ARID4B: variants seen among roughly 807,000 people sequenced by gnomAD.
ARID4B encodes AT-rich interactive domain-containing protein 4B.
ARID4B carries 26 observed loss-of-function variants against 147.5 expected under a neutral mutation model. That is an observed-to-expected ratio of 0.18 (90% CI 0.13 to 0.24). The LOEUF (loss-of-function observed/expected upper bound fraction) is 0.24. Among genes scored for constraint, ARID4B ranks in the 10% least tolerant of loss-of-function variants. The pLI is 1.00. For missense variants in ARID4B, 1,179 were observed against 1,511.5 expected, an observed-to-expected ratio of 0.78 and a Z score of 3.65; for synonymous variants, 512 against 507.9, an observed-to-expected ratio of 1.01 and a Z score of -0.11.
chr1:235,322,217 AG>A (rs1377272280), intron 2 of ARID4B, among the ~76,000 whole-genome samples: 2 of 151,804 alleles, frequency 1.3e-5, no homozygotes, highest in African/African-American at 2.4e-5. Context: ...TAGTAGAAAC[AG>A]GGTTTCACCA....
chr1:235,305,175 G>A (rs575201400), intron 2 of ARID4B, among the ~76,000 whole-genome samples: 5 of 152,316 alleles, frequency 3.3e-5, no homozygotes, highest in South Asian at 2.1e-4. Context: ...GTCAGAGACA[G>A]ATTTGAAGAC....
At chr1:235,307,514 C>A (rs1673661685) in intron 2 of ARID4B, among the ~76,000 whole-genome samples, 1 of 151,900 alleles carries the variant, frequency 6.6e-6, no homozygotes, top group Non-Finnish European at 1.5e-5. Flanking sequence ...AGGAAACTTG[C>A]AATTTAAGAG....
rs758785382 is a variant in ARID4B, at chr1:235,182,045, A to C, written c.2874T>G (p.Pro958=). ...DTEAAASPPH[P]APEEGVAEES... Reference sequence around the variant, plus strand: ...CCTCTGCCACCCCCTCCTCTGGGGCAGGATGCGGTGGGGAAGCTGCAGCCT... The same window carrying C: ...CCTCTGCCACCCCCTCCTCTGGGGCCGGATGCGGTGGGGAAGCTGCAGCCT... Residue 958 remains proline, a synonymous_variant, in exon 20 of 24, where the codon CCT becomes CCG. Coordinates refer to ENST00000264183, the MANE Select transcript of ARID4B (RefSeq NM_016374.6). 1.9e-5 allele frequency: 30 copies of C among 1,614,026 alleles called. No homozygotes were observed. The South Asian group carries it at 3.2e-4, about 17-fold the overall frequency.
At chr1:235,261,956 GC>G (rs572524368) in intron 2 of ARID4B, among the ~76,000 whole-genome samples, 8 of 152,148 alleles carry the variant, frequency 5.3e-5, no homozygotes, top group Non-Finnish European at 1.0e-4. Context: ...TTACTTCTCT[GC>G]CTCAACTTTG....
At chr1:235,239,456 GC>G (rs1425823329) in intron 8 of ARID4B, among the ~76,000 whole-genome samples, 6 of 152,144 alleles carry the variant, frequency 3.9e-5, no homozygotes, top group Admixed American at 2.0e-4. Flanking sequence ...TGCTTTAAGA[GC>G]TACAAATTAT....
At chr1:235,217,762 C>A (rs75638275) in intron 16 of ARID4B, among the ~76,000 whole-genome samples, 3 of 152,066 alleles carry the variant, frequency 2.0e-5, no homozygotes, top group African/African-American at 7.2e-5. Flanking sequence ...AGTTTATATG[C>A]CAGAAAAATA....
rs965723758 is a variant in ARID4B, at chr1:235,236,303, A to T, written c.586-1811T>A. On this transcript the variant is annotated intron_variant, in intron 8 of 23. Transcript: ENST00000264183. ...ATAACATACATCAATAATTCTAAGA[A>T]TTTAAAAACAACAGTGAAATGGCTG... 2.0e-5 allele frequency among the ~76,000 whole-genome samples: 3 copies of T among 152,144 alleles called. No homozygotes were observed. In the South Asian group the frequency reaches 6.2e-4, roughly 32 times the overall value.
intron 18 of ARID4B, among the ~76,000 whole-genome samples, chr1:235,194,676 C>T (rs758169215): frequency 5.3e-5 from 8 of 152,010 alleles, no homozygotes; most frequent in South Asian, 2.1e-4. Context: ...CAAAAGTAGC[C>T]GGGGTGGTGG....
chr1:235,229,689 T>G (rs775809747), intron 10 of ARID4B, among the ~76,000 whole-genome samples: 37 of 152,172 alleles, frequency 2.4e-4, no homozygotes, highest in Non-Finnish European at 5.3e-4. Flanking sequence ...GCTTCACTAG[T>G]AAAAACCTTT....
intron 2 of ARID4B, among the ~76,000 whole-genome samples, chr1:235,309,166 G>C (rs1347721559): frequency 2.7e-5 from 3 of 112,780 alleles, no homozygotes; most frequent in Admixed American, 9.0e-5. Flanking sequence ...GCCCGGCCGT[G>C]ACCCCGTCTG....
At chr1:235,311,751 G>C (rs1572218111) in intron 2 of ARID4B, among the ~76,000 whole-genome samples, 1 of 150,832 alleles carries the variant, frequency 6.6e-6, no homozygotes, top group African/African-American at 2.4e-5. Context: ...TCCAGCCTGG[G>C]CAACAGAGCA....
intron 2 of ARID4B, among the ~76,000 whole-genome samples, chr1:235,307,541 A>C (rs1301507724): frequency 6.6e-6 from 1 of 152,236 alleles, no homozygotes; most frequent in Non-Finnish European, 1.5e-5. Context: ...GACTGTTCTA[A>C]AGATTCTTCA....
intron 7 of ARID4B, among the ~76,000 whole-genome samples, chr1:235,242,454 C>CT (rs374366283): frequency 3.9e-5 from 6 of 152,066 alleles, no homozygotes; most frequent in African/African-American, 1.4e-4. Context: ...AGAGTAGTGA[C>CT]TTTTTTTACT....
intron 18 of ARID4B, among the ~76,000 whole-genome samples, chr1:235,195,273 A>G (rs1665413334): frequency 6.6e-6 from 1 of 152,024 alleles, no homozygotes; most frequent in Non-Finnish European, 1.5e-5. Flanking sequence ...TCCTAAGTAA[A>G]TCCTCATGGC....
chr1:235,327,273 AGG>A, intron 1 of ARID4B: 1 of 188,834 alleles, frequency 5.3e-6, no homozygotes, highest in Middle Eastern at 2.3e-3. Context: ...CGTCCGGCGC[AGG>A]GCCGGCCGCT....
chr1:235,202,466 A>T (rs1034329009), intron 17 of ARID4B, among the ~76,000 whole-genome samples: 3 of 151,088 alleles, frequency 2.0e-5, no homozygotes, highest in Non-Finnish European at 4.4e-5. Flanking sequence ...ACAAAACATA[A>T]AATAACATAT....
At chr1:235,246,232 T>G (rs1477355211) in intron 7 of ARID4B, among the ~76,000 whole-genome samples, 188 bp downstream of exon 7, 1 of 151,808 alleles carries the variant, frequency 6.6e-6, no homozygotes, top group Non-Finnish European at 1.5e-5. Flanking sequence ...ATACAGCTGT[T>G]AAGTAAGGTT....
Position 235,234,485 on chromosome 1 carries a change from C to T in ARID4B, c.593G>A (p.Cys198Tyr). 3.1e-6 allele frequency: 5 copies of T among 1,602,602 alleles called. No homozygotes were observed. Among genetic ancestry groups the T allele is most frequent in the Non-Finnish European group, 4.3e-6 (5 of 1,171,890 alleles). Residue 198 changes from cysteine to tyrosine, a missense_variant, in exon 9 of 24, where the codon TGT becomes TAT. Cys to Tyr is a radical substitution (Grantham distance 194). Transcript: ENST00000264183. ...AGCAATCTCATCACTACAATCAGGA[C>T]AAACCACCTTTTAAGAAAAAGGGTG... is the stretch of plus-strand genomic sequence containing the variant. Reference protein sequence around the residue: ...KALWFPALVVCPDCSDEIAVK... With the variant: ...KALWFPALVVYPDCSDEIAVK...
chr1:235,254,302 GT>G (rs1488627023), intron 5 of ARID4B, among the ~76,000 whole-genome samples: 9 of 151,958 alleles, frequency 5.9e-5, no homozygotes, highest in African/African-American at 2.2e-4. Context: ...TTTACTAGGT[GT>G]TTACTTTCAT....
Sources: gnomAD v4.1 joint callset for allele counts (sites outside exome capture counted in the v4.1 genomes callset) on GRCh38, gnomAD v4.1.1 for gene constraint, MANE v1.5 for transcripts, NCBI Gene and HGNC (gene_info 2026-07-23, HGNC 2026-07-21) for gene names.